CEP290: variants seen among roughly 807,000 people sequenced by gnomAD.
CEP290 encodes centrosomal protein of 290 kDa.
A neutral mutation model predicts 344.9 loss-of-function variants in CEP290; 317 were observed. The ratio of observed to expected loss-of-function variants is 0.92; its 90% CI spans 0.84 to 1.01. The LOEUF (loss-of-function observed/expected upper bound fraction) is 1.01, where lower values mean the gene tolerates loss of function less well. Among genes scored for constraint, CEP290 ranks in the 50% least tolerant of loss-of-function variants. The probability of loss-of-function intolerance (pLI) is 0.00; values close to 1 mark genes in which losing one functional copy is unlikely to be tolerated. For synonymous variants in CEP290, 932 were observed against 895.8 expected (o/e 1.04, Z -0.72); for missense variants, 2,754 against 2,761.4 (o/e 1.00, Z 0.06).
intron 47 of CEP290, 109 bp from the exon 48 acceptor site, chr12:88,060,129 A>G (rs944790301): frequency 2.1e-6 from 2 of 971,594 alleles, no homozygotes; most frequent in Non-Finnish European, 3.0e-6. Context: ...ACCATATTTG[A>G]TATGATTAGA....
In CEP290 at chr12:88,086,704, T is replaced by TATCCATCCATCCATCCATCCATCCATCC. The variant is rs71082424; in HGVS notation, c.4195-234_4195-207dup. Reference sequence around the variant, plus strand: ...CAGATGTGAAGTAAGGATTTCAGTCTATCCATCCATCCATCCATCCATCCA... The same window carrying TATCCATCCATCCATCCATCCATCCATCC: ...CAGATGTGAAGTAAGGATTTCAGTCTATCCATCCATCCATCCATCCATCCATCCATCCATCCATCCATCCATCCATCCA... On this transcript the variant is annotated intron_variant, in intron 32 of 53. Transcript: ENST00000552810. 2.0e-3 allele frequency among the ~76,000 whole-genome samples: 295 copies of TATCCATCCATCCATCCATCCATCCATCC among 149,190 alleles called. 2 individuals are homozygous for TATCCATCCATCCATCCATCCATCCATCC. Among genetic ancestry groups the TATCCATCCATCCATCCATCCATCCATCC allele is most frequent in the African/African-American group, 2.9e-3 (117 of 40,646 alleles).
chr12:88,128,932 T>C lies in CEP290; in HGVS notation c.942+14A>G, dbSNP rs188187579. 4.1e-6 allele frequency: 6 copies of C among 1,467,906 alleles called. No individual in the cohort carries two copies. The highest frequency in any genetic ancestry group is 5.1e-5 in the East Asian group (2 of 38,930). 90.9% of individuals were successfully genotyped at this position (1,467,906 alleles called of 1,614,324 possible). On this transcript the variant is annotated intron_variant, in intron 11 of 53. Coordinates refer to ENST00000552810, the MANE Select transcript of CEP290 (RefSeq NM_025114.4). ...CAAAAAGAAAAAGTTATTATGTCAA[T>C]TGAAAAAAAATACCTTCCATTCTTC...
rs1340271924 is a variant in CEP290, at chr12:88,055,343, T to C, written c.6960+233A>G. Reference sequence around the variant, plus strand: ...TACCAAGAAGTGGTCATATTTAGGATATAGTTTGAAAATAGAGCTGACATG... The same window carrying C: ...TACCAAGAAGTGGTCATATTTAGGACATAGTTTGAAAATAGAGCTGACATG... On this transcript the variant is annotated intron_variant, in intron 50 of 53. Coordinates refer to ENST00000552810, the MANE Select transcript of CEP290 (RefSeq NM_025114.4). Among the ~76,000 whole-genome samples, 5 of 152,096 alleles carry C rather than the reference T, an allele frequency of 3.3e-5. No individual in the cohort carries two copies. In the East Asian group the frequency reaches 7.7e-4, roughly 23 times the overall value.
chr12:88,126,167 T>G lies in CEP290; in HGVS notation c.1065+149A>C, dbSNP rs1024222743. 4 of 501,950 alleles carry G rather than the reference T, an allele frequency of 8.0e-6. No homozygotes were observed. The Admixed American group carries it at 1.3e-4, about 17-fold the overall frequency. The allele number at this position is 501,950 out of a possible 1,614,324, so 31.1% of individuals were successfully genotyped here. The stretch of plus-strand genomic sequence containing the variant: ...ATTCTAATTTTTTATTGGGACCAGG[T>G]GGTAGAAGAAATTTCAAAAGACATT... On this transcript the variant is annotated intron_variant, in intron 12 of 53. Transcript: ENST00000552810.
At position 88,049,090 on chromosome 12, in the gene CEP290, GA is replaced by G. The variant is rs2136541328; in HGVS notation, c.*93del. On this transcript the variant is annotated 3_prime_UTR_variant, in exon 54 of 54. Transcript: ENST00000552810. The stretch of plus-strand genomic sequence containing the variant: ...TATAAAGGTACAAGGTAGTGAGAAG[GA>G]AATACTACAGTTCGGAGAACTGCTT... 3 of 662,818 alleles carry G rather than the reference GA, an allele frequency of 4.5e-6. No homozygotes were observed. The South Asian group carries it at 7.4e-5, about 16-fold the overall frequency. The allele number at this position is 662,818 out of a possible 1,614,324, so 41.1% of individuals were successfully genotyped here. A position where few individuals can be genotyped will look rare whatever the true frequency, so the allele number is the denominator to read the frequency against.
intron 46 of CEP290, among the ~76,000 whole-genome samples, 190 bp from the exon 47 acceptor site, chr12:88,061,184 C>A (rs1376909560): frequency 6.6e-6 from 1 of 151,896 alleles, no homozygotes; most frequent in African/African-American, 2.4e-5. Context: ...ACAAGAAAAC[C>A]AAGACTTAGG....
At chr12:88,113,314 T>C (rs556454396) in intron 20 of CEP290, among the ~76,000 whole-genome samples, 1 of 152,036 alleles carries the variant, frequency 6.6e-6, no homozygotes, top group African/African-American at 2.4e-5. Flanking sequence ...GATGTTCACA[T>C]AAAAAAAGCA....
intron 25 of CEP290, chr12:88,103,420 T>A (rs1412173060): frequency 1.3e-5 from 2 of 153,840 alleles, no homozygotes; most frequent in Non-Finnish European, 2.9e-5. Context: ...TAGCTATTTA[T>A]GCTTATTGTA....
In CEP290 at chr12:88,084,569, A is replaced by G; in HGVS notation, c.4704+17T>C. 1 of 1,591,392 alleles carries G rather than the reference A, an allele frequency of 6.3e-7. No homozygotes were observed. The highest frequency in any genetic ancestry group is 1.1e-5 in the South Asian group (1 of 89,666). ...AAACTAATGGATAACAGCATAACTCATAATATAATAAAATACCTCTCTGGC... is the reference window on the plus strand; with the variant it reads ...AAACTAATGGATAACAGCATAACTCGTAATATAATAAAATACCTCTCTGGC... On this transcript the variant is annotated intron_variant, in intron 35 of 53. Coordinates refer to ENST00000552810, the MANE Select transcript of CEP290 (RefSeq NM_025114.4).
intron 19 of CEP290, 111 bp downstream of exon 19, chr12:88,114,987 T>G (rs1192270207): frequency 1.6e-6 from 1 of 616,962 alleles, no homozygotes; most frequent in East Asian, 3.0e-5. Flanking sequence ...ACAGAGGTAA[T>G]TAGGAGTAAA....
intron 1 of CEP290, among the ~76,000 whole-genome samples, chr12:88,141,621 C>A (rs2040676238): frequency 6.6e-6 from 1 of 152,124 alleles, no homozygotes; most frequent in African/African-American, 2.4e-5. Flanking sequence ...CCCCTACCCA[C>A]AATGCGCGCG....
rs778411377 is a variant in CEP290 at position 88,079,077 on chromosome 12, C to G, written c.5364+15G>C. 6.5e-7 allele frequency: 1 copy of G among 1,540,122 alleles called. No individual in the cohort carries two copies. The highest frequency in any genetic ancestry group is 1.3e-5 in the South Asian group (1 of 75,566). On this transcript the variant is annotated intron_variant, in intron 39 of 53. Coordinates refer to ENST00000552810, the MANE Select transcript of CEP290 (RefSeq NM_025114.4). ...TATCAGAAATTTTGTTACATTAACA[C>G]GTGTTGATGTTCACCTTTAGCTCTC...
In CEP290 at chr12:88,053,803, T is replaced by C. The variant is rs533462288; in HGVS notation, c.7035-57A>G. 28 of 865,128 alleles carry C rather than the reference T, an allele frequency of 3.2e-5. 1 individual carries two copies. The highest frequency in any genetic ancestry group is 1.9e-4 in the African/African-American group (11 of 58,678). The allele number at this position is 865,128 out of a possible 1,614,324, so 53.6% of individuals were successfully genotyped here. A position where few individuals can be genotyped will look rare whatever the true frequency, so the allele number is the denominator to read the frequency against. ...AAAGCAGATATTGCTTCATAAAATATATGGGCATTTCTTATGAACTAGTGA... is the reference window on the plus strand; with the variant it reads ...AAAGCAGATATTGCTTCATAAAATACATGGGCATTTCTTATGAACTAGTGA... On this transcript the variant is annotated intron_variant, in intron 51 of 53. Transcript: ENST00000552810.
At chr12:88,126,526 G>T in intron 11 of CEP290, 88 bp from the exon 12 acceptor site, 3 of 851,184 alleles carry the variant, frequency 3.5e-6, no homozygotes, top group Non-Finnish European at 1.7e-6. Flanking sequence ...ACCGTTAGTA[G>T]ATTTATGATA....
At position 88,125,285 on chromosome 12, in the gene CEP290, T is replaced by C. The variant is rs375428355; in HGVS notation, c.1150A>G (p.Ile384Val). ...YTKEMEKNTC[I>V]IEDLKNELQR... ...AGCTCATTTTTCAAATCTTCAATAA[T>C]ACAAGTATTCTTTTCCATTTCTTTT... Residue 384 changes from isoleucine to valine, a missense_variant, in exon 13 of 54, where the codon ATT becomes GTT. Physicochemically the swap from Ile to Val is conservative, Grantham distance 29. Coordinates refer to ENST00000552810, the MANE Select transcript of CEP290 (RefSeq NM_025114.4). 1.3e-5 allele frequency: 14 copies of C among 1,070,782 alleles called. No individual in the cohort carries two copies. The highest frequency in any genetic ancestry group is 3.3e-5 in the African/African-American group (2 of 60,526). The allele number at this position is 1,070,782 out of a possible 1,614,324, so 66.3% of individuals were successfully genotyped here.
chr12:88,053,782 C>T (rs369522912), intron 51 of CEP290, 36 bp from the exon 52 acceptor site: 55 of 1,081,200 alleles, frequency 5.1e-5, no homozygotes, highest in Admixed American at 1.2e-4. Context: ...AAAAATAAAG[C>T]AGATATTGCT....
intron 11 of CEP290, among the ~76,000 whole-genome samples, chr12:88,126,673 C>A (rs1317597788): frequency 6.6e-6 from 1 of 151,848 alleles, no homozygotes; most frequent in East Asian, 1.9e-4. Flanking sequence ...TTTTATAATT[C>A]AATCTTTAAA....
intron 17 of CEP290, among the ~76,000 whole-genome samples, chr12:88,118,233 A>G (rs1240322320): frequency 6.6e-6 from 1 of 151,946 alleles, no homozygotes; most frequent in East Asian, 1.9e-4. Flanking sequence ...AAATTCCATA[A>G]TTCTAAGGTT....
At chr12:88,109,222 A>G (rs945866821) in intron 22 of CEP290, 41 bp from the exon 23 acceptor site, 5 of 649,634 alleles carry the variant, frequency 7.7e-6, no homozygotes, top group Middle Eastern at 3.7e-4. Flanking sequence ...AAAAAAACAC[A>G]ATAGAATAAA....
Sources: gnomAD v4.1 joint callset for allele counts (sites outside exome capture counted in the v4.1 genomes callset) on GRCh38, gnomAD v4.1.1 for gene constraint, MANE v1.5 for transcripts, NCBI Gene and HGNC (gene_info 2026-07-23, HGNC 2026-07-21) for gene names.